The following AGBL4 variants were observed in gnomAD, a reference collection of about 807,000 sequenced individuals.
The protein encoded by AGBL4 is cytosolic carboxypeptidase 6.
Under a neutral mutation model 66.4 loss-of-function variants are expected in AGBL4, and 58 were observed. The observed-to-expected ratio is 0.87, with a 90% CI of 0.71 to 1.09. The LOEUF is 1.09. AGBL4 is among the 50% of genes least tolerant of loss of function. AGBL4 has a pLI of 0.00. For missense variants in AGBL4, 579 were observed against 631.0 expected (o/e 0.92, Z 0.88); for synonymous variants, 234 against 222.9 (o/e 1.05, Z -0.44).
At chr1:49,436,482 G>A (rs1161664371) in intron 3 of AGBL4, among the ~76,000 whole-genome samples, 5 of 151,952 alleles carry the variant, frequency 3.3e-5, no homozygotes, top group Non-Finnish European at 4.4e-5. Context: ...AGAATTAGAG[G>A]CACATAATAT....
intron 6 of AGBL4, among the ~76,000 whole-genome samples, chr1:48,816,969 T>A (rs1646194850): frequency 6.6e-6 from 1 of 152,002 alleles, no homozygotes; most frequent in South Asian, 2.1e-4. Context: ...ATTAACTAGA[T>A]CAACAAGTGT....
At chr1:49,570,411 T>C (rs188899035) in intron 3 of AGBL4, among the ~76,000 whole-genome samples, 1 of 152,268 alleles carries the variant, frequency 6.6e-6, no homozygotes, top group East Asian at 1.9e-4. Context: ...TAAAAATATG[T>C]CCTTTGCCCA....
Position 49,381,164 on chromosome 1 carries a change from C to A in AGBL4, c.283-135300G>T, listed in dbSNP as rs564077358. Among the ~76,000 whole-genome samples the A allele has an allele frequency of 4.6e-5, 7 of 152,098 alleles. No individual in the cohort carries two copies. The East Asian group carries it at 1.2e-3, about 25-fold the overall frequency. ...AAATTTACAAGAAAAAAACAAACAA[C>A]CCCATCAAAAAGTGGGCAAAGGATA... On this transcript the variant is annotated intron_variant, in intron 3 of 13. Coordinates refer to ENST00000371839, the MANE Select transcript of AGBL4 (RefSeq NM_032785.4).
At chr1:48,642,398 C>G (rs1438975454) in intron 8 of AGBL4, among the ~76,000 whole-genome samples, 2 of 152,152 alleles carry the variant, frequency 1.3e-5, no homozygotes, top group Non-Finnish European at 2.9e-5. Flanking sequence ...CTTCTCCCTT[C>G]CCGTACAGAG....
intron 1 of AGBL4, among the ~76,000 whole-genome samples, chr1:49,900,522 G>A (rs1405452356): frequency 1.3e-5 from 2 of 152,162 alleles, no homozygotes; most frequent in South Asian, 2.1e-4. Context: ...TGGGATTACA[G>A]GCATGAGCCA....
chr1:49,211,156 T>G (rs967368171), intron 4 of AGBL4, among the ~76,000 whole-genome samples: 5 of 152,264 alleles, frequency 3.3e-5, no homozygotes, highest in East Asian at 3.9e-4. Flanking sequence ...GCCCATTGCT[T>G]TTATTAGTAG....
chr1:48,731,442 T>C (rs1648113597), intron 6 of AGBL4, among the ~76,000 whole-genome samples: 1 of 152,164 alleles, frequency 6.6e-6, no homozygotes. Flanking sequence ...CAATAAGGGT[T>C]AGACAAGTCT....
chr1:49,906,213 T>C (rs887927343), intron 1 of AGBL4, among the ~76,000 whole-genome samples: 2 of 151,640 alleles, frequency 1.3e-5, no homozygotes. Context: ...TCCAAACTAT[T>C]TAGGAAATAG....
intron 6 of AGBL4, among the ~76,000 whole-genome samples, chr1:48,760,104 G>C (rs757190343): frequency 1.3e-5 from 2 of 152,170 alleles, no homozygotes; most frequent in Non-Finnish European, 2.9e-5. Flanking sequence ...CCAGTACAAG[G>C]CTCCTTCCAG....
At chr1:48,761,570 C>T in intron 6 of AGBL4, 13 of 1,245,364 alleles carry the variant, frequency 1.0e-5, no homozygotes, top group Non-Finnish European at 1.4e-5. Context: ...ATAATTGAGG[C>T]CAGACCAGTT....
chr1:49,969,399 C>T lies in AGBL4; in HGVS notation c.34+54364G>A, dbSNP rs75779050. On this transcript the variant is annotated intron_variant, in intron 1 of 13. Transcript: ENST00000371839. ...TGTGTGTGTGTGTATGTGTATGATA[C>T]AGGCATATTTCTAAGTATACAACAC... Among the ~76,000 whole-genome samples, 83 of 152,008 alleles carry T rather than the reference C, an allele frequency of 5.5e-4. No individual in the cohort carries two copies. In the East Asian group the frequency reaches 0.01, roughly 19 times the overall value.
At chr1:48,983,121 G>A (rs767182891) in intron 5 of AGBL4, among the ~76,000 whole-genome samples, 5 of 152,082 alleles carry the variant, frequency 3.3e-5, no homozygotes, top group Non-Finnish European at 7.4e-5. Context: ...ACATTCCTGA[G>A]ACTGAAGTTG....
chr1:49,429,225 G>A (rs1376566033), intron 3 of AGBL4, among the ~76,000 whole-genome samples: 1 of 152,138 alleles, frequency 6.6e-6, no homozygotes, highest in Non-Finnish European at 1.5e-5. Flanking sequence ...TAACAGCTCA[G>A]TCTCTGAAAA....
chr1:49,267,751 G>A (rs780676436), intron 3 of AGBL4, among the ~76,000 whole-genome samples: 13 of 152,078 alleles, frequency 8.5e-5, no homozygotes, highest in African/African-American at 2.7e-4. Flanking sequence ...ACAGTTCCAC[G>A]TGGCTGGGAG....
intron 3 of AGBL4, among the ~76,000 whole-genome samples, chr1:49,314,554 C>T (rs1224624466): frequency 6.6e-6 from 1 of 152,048 alleles, no homozygotes; most frequent in African/African-American, 2.4e-5. Context: ...CTGCAAAGGA[C>T]ATGAACTCAT....
At chr1:49,307,758 A>G (rs1343263451) in intron 3 of AGBL4, among the ~76,000 whole-genome samples, 1 of 152,112 alleles carries the variant, frequency 6.6e-6, no homozygotes, top group Non-Finnish European at 1.5e-5. Context: ...GGGCCTCCCA[A>G]GTAGGTCAAG....
At chr1:49,711,957 T>G (rs1647702353) in intron 2 of AGBL4, among the ~76,000 whole-genome samples, 1 of 152,010 alleles carries the variant, frequency 6.6e-6, no homozygotes, top group Non-Finnish European at 1.5e-5. Context: ...TTGGAAAAAT[T>G]AATTCATTTT....
intron 3 of AGBL4, among the ~76,000 whole-genome samples, chr1:49,468,291 G>T (rs1646670374): frequency 6.6e-6 from 1 of 151,778 alleles, no homozygotes; most frequent in Admixed American, 6.6e-5. Flanking sequence ...CTGGAATTCA[G>T]AACAACCAAC....
At chr1:49,790,754 A>G (rs931480608) in intron 2 of AGBL4, among the ~76,000 whole-genome samples, 2 of 152,214 alleles carry the variant, frequency 1.3e-5, no homozygotes, top group African/African-American at 4.8e-5. Flanking sequence ...CTGCACAATA[A>G]GAAATGTGTA....
Sources: allele counts gnomAD v4.1 joint callset (sites outside exome capture counted in the v4.1 genomes callset), GRCh38; gene constraint gnomAD v4.1.1; transcripts MANE v1.5; gene names NCBI Gene and HGNC (gene_info 2026-07-23, HGNC 2026-07-21).